PRKAG2: variants seen among roughly 807,000 people sequenced by gnomAD.
The protein encoded by PRKAG2 is 5'-AMP-activated protein kinase subunit gamma-2.
A neutral mutation model predicts 69.6 loss-of-function variants in PRKAG2; 26 were observed. The observed-to-expected ratio is 0.37, with a 90% CI of 0.27 to 0.52. The LOEUF is 0.52. Ranked by LOEUF, PRKAG2 falls within the 20% of genes least tolerant of loss-of-function variation. PRKAG2 has a pLI of 0.90. For missense variants in PRKAG2, 557 were observed against 740.0 expected (o/e 0.75, Z 2.87); for synonymous variants, 293 against 285.0 (o/e 1.03, Z -0.28).
chr7:151,570,687 A>T (rs747310068), intron 9 of PRKAG2, among the ~76,000 whole-genome samples: 24 of 152,164 alleles, frequency 1.6e-4, no homozygotes, highest in Non-Finnish European at 2.8e-4. Context: ...GATGCTCAAA[A>T]CCTACTGCAT....
chr7:151,795,633 G>A (rs1389563418), intron 1 of PRKAG2, among the ~76,000 whole-genome samples: 1 of 152,024 alleles, frequency 6.6e-6, no homozygotes, highest in Non-Finnish European at 1.5e-5. Flanking sequence ...TCTACAGTCA[G>A]TGACTTGAAG....
intron 3 of PRKAG2, among the ~76,000 whole-genome samples, chr7:151,701,044 G>GTCTTC (rs1462855054): frequency 6.6e-6 from 1 of 152,172 alleles, no homozygotes; most frequent in Non-Finnish European, 1.5e-5. Context: ...GCAGACGCCT[G>GTCTTC]TCCTCTCCTC....
rs1824710368 is a variant in PRKAG2 at position 151,632,170 on chromosome 7, T to A, written c.685-32A>T. ...GGGAGGAGGAGGACAGCGATCAGCA[T>A]GAGCTGCGACGCTCGTCCCCGGCCG... is the stretch of plus-strand genomic sequence containing the variant. On this transcript the variant is annotated intron_variant, in intron 4 of 15. Coordinates refer to ENST00000287878, the MANE Select transcript of PRKAG2 (RefSeq NM_016203.4). The surrounding 1 kb of genome is among the most constrained non-coding windows in gnomAD (Gnocchi z 4.2). 3.8e-6 allele frequency: 5 copies of A among 1,299,192 alleles called. No homozygotes were observed. In the South Asian group the frequency reaches 6.0e-5, roughly 16 times the overall value. The allele number at this position is 1,299,192 out of a possible 1,614,324, so 80.5% of individuals were successfully genotyped here.
At position 151,567,995 on chromosome 7, in the gene PRKAG2, C is replaced by G. The variant is rs575528833; in HGVS notation, c.1233+721G>C. Among the ~76,000 whole-genome samples, 3 of 152,188 alleles carry G rather than the reference C, an allele frequency of 2.0e-5. No homozygotes were observed. Among genetic ancestry groups the G allele is most frequent in the Admixed American group, 6.5e-5 (1 of 15,272 alleles). On this transcript the variant is annotated intron_variant, in intron 11 of 15. Coordinates refer to ENST00000287878, the MANE Select transcript of PRKAG2 (RefSeq NM_016203.4). This position sits in a 1 kb window ranked among gnomAD's most constrained non-coding sequence, Gnocchi z 4.2. ...AACTCTTCAAAGTACCTCTTCAGAA[C>G]GATTAAGACCTTCTACTGGTTCTAT... is the stretch of plus-strand genomic sequence containing the variant.
intron 3 of PRKAG2, chr7:151,736,207 T>C (rs1799774116): frequency 1.4e-6 from 2 of 1,401,016 alleles, no homozygotes; most frequent in Non-Finnish European, 1.9e-6. Context: ...AGCCCCAGAG[T>C]CTGTGAGGCG....
intron 5 of PRKAG2, among the ~76,000 whole-genome samples, chr7:151,609,740 G>A (rs1818327298): frequency 6.6e-6 from 1 of 152,124 alleles, no homozygotes; most frequent in African/African-American, 2.4e-5. Context: ...AGTCTAGAAG[G>A]AGGATTGTCC....
chr7:151,723,897 C>A (rs986729410), intron 3 of PRKAG2, among the ~76,000 whole-genome samples: 1 of 152,186 alleles, frequency 6.6e-6, no homozygotes. Context: ...CCAACCCGCC[C>A]GTGAAGCCTG....
intron 5 of PRKAG2, among the ~76,000 whole-genome samples, chr7:151,625,495 C>T (rs1038088247): frequency 2.0e-5 from 3 of 152,066 alleles, no homozygotes; most frequent in African/African-American, 7.2e-5. Flanking sequence ...GAAATGAAAG[C>T]GATGGGATTA....
At chr7:151,581,589 A>T (rs200031931) in intron 6 of PRKAG2, among the ~76,000 whole-genome samples, 3 of 106,436 alleles carry the variant, frequency 2.8e-5, no homozygotes, top group African/African-American at 4.2e-5. Context: ...GTAATAATTT[A>T]AAAAAACCCA....
intron 6 of PRKAG2, among the ~76,000 whole-genome samples, chr7:151,595,065 T>G (rs1563213048): frequency 2.0e-5 from 3 of 152,242 alleles, no homozygotes; most frequent in Non-Finnish European, 4.4e-5. Context: ...CCCAAAGTGC[T>G]GGGATTACAG....
chr7:151,744,880 G>T (rs1184209220), intron 3 of PRKAG2, among the ~76,000 whole-genome samples: 1 of 152,216 alleles, frequency 6.6e-6, no homozygotes, highest in Non-Finnish European at 1.5e-5. Context: ...GGGAGACTTT[G>T]CCCGCAGCAG....
At position 151,636,911 on chromosome 7, in the gene PRKAG2, G is replaced by A. The variant is rs564265026; in HGVS notation, c.685-4773C>T. ...GTAGAGATGGGGTTTCACCATGTTG[G>A]CCAGGTTGGTCTCGAACTCCTGACC... On this transcript the variant is annotated intron_variant, in intron 4 of 15. Coordinates refer to ENST00000287878, the MANE Select transcript of PRKAG2 (RefSeq NM_016203.4). Among the ~76,000 whole-genome samples the A allele has an allele frequency of 2.6e-4, 39 of 152,180 alleles. No homozygotes were observed. In the East Asian group the frequency reaches 5.8e-3, roughly 23 times the overall value.
rs919453869 is a variant in PRKAG2, at chr7:151,807,093, G to A, written c.115-20552C>T. ...GTGGAGGTGGGGAAGGGCAGAGGCT[G>A]TAAAGGGTCAGAGGGACCTTGTGGA... On this transcript the variant is annotated intron_variant, in intron 1 of 15. Transcript: ENST00000287878. The surrounding 1 kb of genome is among the most constrained non-coding windows in gnomAD (Gnocchi z 4.4). 4.8e-6 allele frequency: 2 copies of A among 412,724 alleles called. No homozygotes were observed. The highest frequency in any genetic ancestry group is 2.9e-5 in the Admixed American group (1 of 34,246). 25.6% of individuals were successfully genotyped at this position (412,724 alleles called of 1,614,324 possible). A position where few individuals can be genotyped will look rare whatever the true frequency, so the allele number is the denominator to read the frequency against.
chr7:151,755,231 T>C (rs1202993254), intron 3 of PRKAG2, among the ~76,000 whole-genome samples: 1 of 151,974 alleles, frequency 6.6e-6, no homozygotes, highest in Non-Finnish European at 1.5e-5. Context: ...CAGCTGGGAG[T>C]GAGTTCCTCA....
intron 1 of PRKAG2, among the ~76,000 whole-genome samples, chr7:151,846,138 T>C (rs1365262008): frequency 6.6e-6 from 1 of 152,240 alleles, no homozygotes; most frequent in African/African-American, 2.4e-5. Flanking sequence ...TGAACCATGT[T>C]AGAAGTTTTC....
At chr7:151,827,466 T>C (rs1249290128) in intron 1 of PRKAG2, among the ~76,000 whole-genome samples, 1 of 152,100 alleles carries the variant, frequency 6.6e-6, no homozygotes, top group African/African-American at 2.4e-5. Flanking sequence ...CTCGAACTCC[T>C]GACCTCAAGG....
intron 3 of PRKAG2, among the ~76,000 whole-genome samples, chr7:151,734,596 C>CTGGAA (rs764369596): frequency 7.9e-5 from 12 of 152,216 alleles, no homozygotes; most frequent in Non-Finnish European, 1.5e-4. Flanking sequence ...GTCACCCAGG[C>CTGGAA]TGGAGTGTAG....
chr7:151,847,736 C>T (rs1184750160), intron 1 of PRKAG2, among the ~76,000 whole-genome samples: 1 of 152,274 alleles, frequency 6.6e-6, no homozygotes, highest in Non-Finnish European at 1.5e-5. Context: ...GTCTTTCGAA[C>T]TGGCTCTTTC....
At chr7:151,578,065 G>A (rs2727544) in intron 6 of PRKAG2, among the ~76,000 whole-genome samples, 127,812 of 151,310 alleles carry the variant, frequency 0.84, 54,144 homozygotes, top group Non-Finnish European at 0.89. Flanking sequence ...TGTTGGCTGG[G>A]CACAGTGGCC....
Sources: allele counts gnomAD v4.1 joint callset (sites outside exome capture counted in the v4.1 genomes callset), GRCh38; gene constraint gnomAD v4.1.1; non-coding constraint Gnocchi (gnomAD v3.1); transcripts MANE v1.5; gene names NCBI Gene and HGNC (gene_info 2026-07-23, HGNC 2026-07-21).